CELF2: variants seen among roughly 807,000 people sequenced by gnomAD.
CELF2 encodes CUG triplet repeat RNA-binding protein 2.
CELF2 carries 8 observed loss-of-function variants against 62.6 expected under a neutral mutation model. The observed-to-expected ratio is 0.13, with a 90% confidence interval of 0.07 to 0.23. CELF2 has a LOEUF of 0.23. Among genes scored for constraint, CELF2 ranks in the 10% least tolerant of loss-of-function variants. CELF2 has a pLI of 1.00. For missense variants in CELF2, 333 were observed against 671.0 expected, an observed-to-expected ratio of 0.50 and a Z score of 5.56; for synonymous variants, 258 against 250.0, an observed-to-expected ratio of 1.03 and a Z score of -0.30.
intron 1 of CELF2, among the ~76,000 whole-genome samples, chr10:10,816,690 A>G (rs1043273889): frequency 2.0e-5 from 3 of 152,342 alleles, no homozygotes; most frequent in South Asian, 4.1e-4. Context: ...CAAACTTAGT[A>G]TTACTCAAGC....
rs2090905618 is a variant in CELF2, at chr10:11,285,423, G to A, written c.842-2995G>A. ...CAGGCGGCAGCAGGGAAAGGCTTAGGAGAATGTCAGAAACTGTTGGATGGT... is the reference window on the plus strand; with the variant it reads ...CAGGCGGCAGCAGGGAAAGGCTTAGAAGAATGTCAGAAACTGTTGGATGGT... On this transcript the variant is annotated intron_variant, in intron 8 of 12. Transcript: ENST00000633077. The surrounding 1 kb of genome is among the most constrained non-coding windows in gnomAD (Gnocchi z 4.3). Among the ~76,000 whole-genome samples the A allele has an allele frequency of 1.3e-5, 2 of 152,166 alleles. No homozygotes were observed. Among genetic ancestry groups the A allele is most frequent in the South Asian group, 4.1e-4 (2 of 4,834 alleles).
chr10:10,596,659 G>A, the CELF2 span, among the ~76,000 whole-genome samples: 1 of 152,238 alleles, frequency 6.6e-6, no homozygotes, highest in African/African-American at 2.4e-5. Context: ...TCTGGGGTGA[G>A]CGCCTGCAGG....
intron 1 of CELF2, among the ~76,000 whole-genome samples, chr10:11,055,486 G>A (rs2065025820): frequency 6.6e-6 from 1 of 152,198 alleles, no homozygotes; most frequent in Admixed American, 6.5e-5. Context: ...AGGTGCCATA[G>A]GCACTCTCAG....
intron 1 of CELF2, among the ~76,000 whole-genome samples, chr10:11,064,934 A>G (rs1210127076): frequency 6.6e-6 from 1 of 152,182 alleles, no homozygotes; most frequent in African/African-American, 2.4e-5. Flanking sequence ...CCCAGTCTCC[A>G]TTTCAGGAAT....
chr10:11,167,784 A>G (rs1265034626), intron 2 of CELF2, among the ~76,000 whole-genome samples: 1 of 152,208 alleles, frequency 6.6e-6, no homozygotes, highest in African/African-American at 2.4e-5. Context: ...TATGTATCTC[A>G]GACCCTGTGT....
chr10:10,690,376 T>A, the CELF2 span, among the ~76,000 whole-genome samples: 1 of 152,206 alleles, frequency 6.6e-6, no homozygotes, highest in Non-Finnish European at 1.5e-5. Context: ...ATGATTAAGG[T>A]TATCTATACA....
chr10:10,894,323 T>C (rs930982768), intron 1 of CELF2, among the ~76,000 whole-genome samples: 6 of 152,230 alleles, frequency 3.9e-5, no homozygotes, highest in South Asian at 2.1e-4. Flanking sequence ...CGATTTCCGA[T>C]GATGAATCCT....
chr10:10,965,668 G>A (rs1203267605), intron 2 of CELF2, among the ~76,000 whole-genome samples: 2 of 151,942 alleles, frequency 1.3e-5, no homozygotes, highest in African/African-American at 4.8e-5. Flanking sequence ...TTTTAAAGTG[G>A]GATATAAGAG....
Position 11,145,995 on chromosome 10 carries a change from G to A in CELF2, c.75-19491G>A, listed in dbSNP as rs1032630472. Among the ~76,000 whole-genome samples the A allele has an allele frequency of 6.6e-6, 1 of 152,138 alleles. No individual in the cohort carries two copies. The highest frequency in any genetic ancestry group is 1.5e-5 in the Non-Finnish European group (1 of 68,030). ...TACTCTCCTCTGGTACTTTTAGACGGTGTAAAACATTTCACTAAATCCTTA... is the reference window on the plus strand; with the variant it reads ...TACTCTCCTCTGGTACTTTTAGACGATGTAAAACATTTCACTAAATCCTTA... On this transcript the variant is annotated intron_variant, in intron 1 of 12. Transcript: ENST00000633077. The surrounding 1 kb of genome is among the most constrained non-coding windows in gnomAD (Gnocchi z 4.3).
chr10:10,693,583 A>G, the CELF2 span, among the ~76,000 whole-genome samples: 4 of 151,188 alleles, frequency 2.6e-5, no homozygotes, highest in Non-Finnish European at 5.9e-5. Context: ...TTCAGAAGGA[A>G]TGGTACCAGT....
chr10:10,986,773 T>C (rs1477931388), intron 2 of CELF2, among the ~76,000 whole-genome samples: 1 of 152,194 alleles, frequency 6.6e-6, no homozygotes, highest in Non-Finnish European at 1.5e-5. Flanking sequence ...CATTGCAATG[T>C]GGCCAGGCTC....
At chr10:10,475,476 C>CA in the CELF2 span, among the ~76,000 whole-genome samples, 22 of 143,608 alleles carry the variant, frequency 1.5e-4, no homozygotes, top group African/African-American at 5.1e-4. Context: ...CTTGGCCACT[C>CA]AAAAAAAAAA....
At chr10:10,632,435 A>T in the CELF2 span, among the ~76,000 whole-genome samples, 1 of 152,054 alleles carries the variant, frequency 6.6e-6, no homozygotes, top group African/African-American at 2.4e-5. Flanking sequence ...ACACAAACAG[A>T]CACACGCACA....
chr10:11,241,566 T>A (rs2073912388), intron 3 of CELF2, among the ~76,000 whole-genome samples: 2 of 152,246 alleles, frequency 1.3e-5, no homozygotes, highest in Non-Finnish European at 2.9e-5. Flanking sequence ...GTCCTTCTAT[T>A]AAAGATATCT....
At chr10:10,523,237 A>G in the CELF2 span, among the ~76,000 whole-genome samples, 5 of 152,186 alleles carry the variant, frequency 3.3e-5, no homozygotes, top group African/African-American at 1.2e-4. Flanking sequence ...CAAGCCATCG[A>G]GGTTTAATGT....
the CELF2 span, among the ~76,000 whole-genome samples, chr10:10,693,886 T>A: frequency 6.6e-6 from 1 of 152,108 alleles, no homozygotes; most frequent in Non-Finnish European, 1.5e-5. Flanking sequence ...ATTGCGTCTA[T>A]TTCATTCTTC....
chr10:10,679,917 G>C, the CELF2 span, among the ~76,000 whole-genome samples: 12 of 152,184 alleles, frequency 7.9e-5, no homozygotes, highest in African/African-American at 2.9e-4. Context: ...GTGTGAATGT[G>C]TGTGAATATC....
chr10:10,766,600 A>C, the CELF2 span, among the ~76,000 whole-genome samples: 1 of 152,178 alleles, frequency 6.6e-6, no homozygotes, highest in East Asian at 1.9e-4. Context: ...TTAGGTACTC[A>C]GCAGCAGCAG....
Position 11,205,104 on chromosome 10 carries a change from T to C in CELF2, c.272-12321T>C, listed in dbSNP as rs139823400. ...ATTGACTATTTAGAGGTCACGTAAA[T>C]GGATGTTCAGAGTATTCAAAGGCCA... On this transcript the variant is annotated intron_variant, in intron 2 of 12. Coordinates refer to ENST00000633077, the MANE Select transcript of CELF2 (RefSeq NM_001326342.2). Among the ~76,000 whole-genome samples, 276 of 152,362 alleles carry C rather than the reference T, an allele frequency of 1.8e-3. 1 individual carries two copies. The highest frequency in any genetic ancestry group is 6.0e-3 in the African/African-American group (250 of 41,590).
Sources: gnomAD v4.1 joint callset for allele counts (sites outside exome capture counted in the v4.1 genomes callset) on GRCh38, gnomAD v4.1.1 for gene constraint, Gnocchi (gnomAD v3.1) non-coding constraint, MANE v1.5 for transcripts, NCBI Gene and HGNC (gene_info 2026-07-23, HGNC 2026-07-21) for gene names.